The following NFS1 variants were observed in gnomAD, a reference collection of about 807,000 sequenced individuals.
The protein encoded by NFS1 is NFS1 cysteine desulfurase.
Under a neutral mutation model 57.3 loss-of-function variants are expected in NFS1, and 26 were observed. That is an observed-to-expected ratio of 0.45 (90% CI 0.33 to 0.63). NFS1 has a LOEUF of 0.63. NFS1 is among the 20% of genes least tolerant of loss of function. The pLI, the probability that NFS1 is intolerant of heterozygous loss-of-function variation, is 0.02. For synonymous variants in NFS1, 209 were observed against 216.3 expected (o/e 0.97, Z 0.30); for missense variants, 505 against 605.8 (o/e 0.83, Z 1.75).
At chr20:35,692,528 A>AT (rs1491322358) in intron 4 of NFS1, among the ~76,000 whole-genome samples, 1 of 72,678 alleles carries the variant, frequency 1.4e-5, no homozygotes, top group African/African-American at 5.3e-5. Flanking sequence ...CATCTATACT[A>AT]AAAAAAAAAA....
intron 1 of NFS1, chr20:35,698,988 G>C (rs974907222): frequency 2.3e-6 from 3 of 1,325,658 alleles, no homozygotes; most frequent in Admixed American, 3.8e-5. Flanking sequence ...GGCTCTGGGG[G>C]CCTGTCGCGC....
Position 35,668,523 on chromosome 20 carries a change from T to C in NFS1, c.*1099A>G, listed in dbSNP as rs1465502166. Reference sequence around the variant, plus strand: ...TATAATACTTTGTGCTTTATCACACTTCAGGCCCTTAGCTCTTGCCATTCC... The same window carrying C: ...TATAATACTTTGTGCTTTATCACACCTCAGGCCCTTAGCTCTTGCCATTCC... On this transcript the variant is annotated 3_prime_UTR_variant, in exon 13 of 13. Coordinates refer to ENST00000374092, the MANE Select transcript of NFS1 (RefSeq NM_021100.5). 1 of 152,228 alleles carries C rather than the reference T, an allele frequency of 6.6e-6. No individual in the cohort carries two copies. The highest frequency in any genetic ancestry group is 1.5e-5 in the Non-Finnish European group (1 of 68,044). The allele number at this position is 152,228 out of a possible 1,614,324, so 9.4% of individuals were successfully genotyped here.
chr20:35,687,098 C>T (rs777855040), intron 5 of NFS1, among the ~76,000 whole-genome samples: 3 of 152,126 alleles, frequency 2.0e-5, no homozygotes, highest in African/African-American at 4.8e-5. Flanking sequence ...CATGGTCTAG[C>T]GGTAGCGTCA....
chr20:35,687,109 G>C (rs1247308206), intron 5 of NFS1, among the ~76,000 whole-genome samples: 1 of 152,188 alleles, frequency 6.6e-6, no homozygotes, highest in Non-Finnish European at 1.5e-5. Flanking sequence ...GGTAGCGTCA[G>C]TGTCAAGGAA....
At chr20:35,675,294 A>G in intron 7 of NFS1, 92 bp from the exon 8 acceptor site, 1 of 1,320,072 alleles carries the variant, frequency 7.6e-7, no homozygotes, top group Non-Finnish European at 1.0e-6. Flanking sequence ...TATTACTTCA[A>G]CTTTTCTGTA....
rs73616702 is a variant in NFS1 at position 35,693,690 on chromosome 20, G to A, written c.408+2687C>T. Among the ~76,000 whole-genome samples, 1,098 of 152,134 alleles carry A rather than the reference G, an allele frequency of 7.2e-3. 8 individuals carry two copies. The highest frequency in any genetic ancestry group is 0.04 in the East Asian group (207 of 5,156). On this transcript the variant is annotated intron_variant, in intron 4 of 12. Coordinates refer to ENST00000374092, the MANE Select transcript of NFS1 (RefSeq NM_021100.5). ...CAAAAATTAAAATAACAGGCCGGGCGCGGTGGTTCACACCTGTAAAACCAG... is the reference window on the plus strand; with the variant it reads ...CAAAAATTAAAATAACAGGCCGGGCACGGTGGTTCACACCTGTAAAACCAG...
At position 35,678,575 on chromosome 20, in the gene NFS1, G is replaced by A. The variant is rs959591302; in HGVS notation, c.790+2162C>T. Among the ~76,000 whole-genome samples, 21 of 150,508 alleles carry A rather than the reference G, an allele frequency of 1.4e-4. No individual in the cohort carries two copies. The East Asian group carries it at 3.7e-3, about 27-fold the overall frequency. ...TAGCCAGGCATGGCCGGGCACAGTG[G>A]GCCTATAATCCCAGCTACTCAGGAG... is the stretch of plus-strand genomic sequence containing the variant. On this transcript the variant is annotated intron_variant, in intron 7 of 12. Coordinates refer to ENST00000374092, the MANE Select transcript of NFS1 (RefSeq NM_021100.5).
intron 7 of NFS1, among the ~76,000 whole-genome samples, chr20:35,677,128 G>C (rs1040637420): frequency 7.2e-5 from 11 of 152,162 alleles, no homozygotes; most frequent in Non-Finnish European, 1.5e-5. Flanking sequence ...GCCTCCCAAA[G>C]TGCTGCAATT....
At chr20:35,676,550 C>T (rs1421028143) in intron 7 of NFS1, among the ~76,000 whole-genome samples, 2 of 151,334 alleles carry the variant, frequency 1.3e-5, no homozygotes, top group Admixed American at 6.6e-5. Context: ...TGTGCCACTG[C>T]ACTCCAGCCT....
Position 35,673,615 on chromosome 20 carries a change from C to G in NFS1, c.1206G>C (p.Ala402=), listed in dbSNP as rs545239342. The G allele has an allele frequency of 6.2e-7, 1 of 1,613,614 alleles. No individual in the cohort carries two copies. The highest frequency in any genetic ancestry group is 1.1e-5 in the South Asian group (1 of 91,062). The change falls in exon 11 of 13, where the codon GCG becomes GCC. Residue 402 remains alanine (A), a synonymous_variant. Transcript: ENST00000374092. ...LRAIGTDEDL[A]HSSIRFGIGR... ...AACTCACTGACCTGATAGAAGAGTG[C>G]GCTAAATCCTCATCAGTGCCAATTG...
rs749232225 is a variant in NFS1, at chr20:35,672,814, C to T, written c.1251G>A (p.Glu417=). 2.5e-6 allele frequency: 4 copies of T among 1,612,490 alleles called. No homozygotes were observed. The South Asian group carries it at 4.4e-5, about 18-fold the overall frequency. Residue 417 remains glutamate, a synonymous_variant, in exon 12 of 13, where the codon GAG becomes GAA. Coordinates refer to ENST00000374092, the MANE Select transcript of NFS1 (RefSeq NM_021100.5). ...RFGIGRFTTE[E]EVDYTVEKCI... ...ATTTCTCCACTGTGTAGTCCACTTC[C>T]TCCTCTGTAGTGAAGCGGCCAATTC...
At chr20:35,676,758 G>GA (rs746820595) in intron 7 of NFS1, among the ~76,000 whole-genome samples, 5,305 of 18,078 alleles carry the variant, frequency 0.29, 563 homozygotes, top group Non-Finnish European at 0.33. Context: ...GAGAAAATCA[G>GA]AAAAAAAAAA....
rs2034717971 is a variant in NFS1 at position 35,675,056 on chromosome 20, G to C, written c.937C>G (p.Gln313Glu). 1 of 1,613,830 alleles carries C rather than the reference G, an allele frequency of 6.2e-7. No individual in the cohort carries two copies. Among genetic ancestry groups the C allele is most frequent in the African/African-American group, 1.3e-5 (1 of 74,898 alleles). The stretch of plus-strand genomic sequence containing the variant: ...TGCTCTCCCCATACCTCCATCTCTT[G>C]CTGTGCCACCTCACACGCAGCCCCC... ...GLGAACEVAQ[Q>E]EMEYDHKRIS... The change falls in exon 8 of 13, where the codon CAA becomes GAA. Residue 313 changes from glutamine to glutamate, a missense_variant. Transcript: ENST00000374092.
At chr20:35,680,281 G>T (rs1205051777) in intron 7 of NFS1, among the ~76,000 whole-genome samples, 1 of 152,080 alleles carries the variant, frequency 6.6e-6, no homozygotes, top group Non-Finnish European at 1.5e-5. Flanking sequence ...CTCCAGCCTG[G>T]GCGACTGAGC....
At chr20:35,681,468 C>A (rs754738545) in intron 6 of NFS1, among the ~76,000 whole-genome samples, 1 of 152,172 alleles carries the variant, frequency 6.6e-6, no homozygotes, top group Admixed American at 6.5e-5. Context: ...GAGGCCAAGG[C>A]AGACGGATCA....
At chr20:35,681,633 G>A (rs1601524305) in intron 6 of NFS1, among the ~76,000 whole-genome samples, 2 of 152,232 alleles carry the variant, frequency 1.3e-5, no homozygotes, top group Non-Finnish European at 1.5e-5. Context: ...AGAGTGAGGA[G>A]GTTGCAGGGA....
intron 4 of NFS1, among the ~76,000 whole-genome samples, chr20:35,694,049 G>C (rs1379231176): frequency 1.3e-5 from 2 of 152,092 alleles, no homozygotes; most frequent in African/African-American, 4.8e-5. Context: ...GGGAGGCTAA[G>C]ATGAGAGGAT....
intron 5 of NFS1, among the ~76,000 whole-genome samples, chr20:35,687,511 A>G (rs12624501): frequency 0.1 from 15,148 of 152,078 alleles, 1,197 homozygotes; most frequent in African/African-American, 0.21. Flanking sequence ...ACCTATCATT[A>G]GAGATGGCTC....
At chr20:35,698,979 G>A in intron 1 of NFS1, 2 of 1,325,658 alleles carry the variant, frequency 1.5e-6, no homozygotes, top group South Asian at 2.1e-5. Flanking sequence ...CGCCTCCACG[G>A]CTCTGGGGGC....
Sources: allele counts gnomAD v4.1 joint callset (sites outside exome capture counted in the v4.1 genomes callset), GRCh38; gene constraint gnomAD v4.1.1; transcripts MANE v1.5; gene names NCBI Gene and HGNC (gene_info 2026-07-23, HGNC 2026-07-21).